The following LINGO2 variants were observed in gnomAD, a reference collection of about 807,000 sequenced individuals.
LINGO2 encodes the protein leucine rich repeat and Ig domain containing 2.
A neutral mutation model predicts 30.6 loss-of-function variants in LINGO2; 14 were observed. The observed-to-expected ratio is 0.46, with a 90% CI of 0.30 to 0.72. The LOEUF (loss-of-function observed/expected upper bound fraction) is 0.72. LINGO2 is among the 30% of genes least tolerant of loss of function. The pLI is 0.07. For missense variants in LINGO2, 729 were observed against 751.7 expected, an observed-to-expected ratio of 0.97 and a Z score of 0.35; for synonymous variants, 317 against 288.5, an observed-to-expected ratio of 1.10 and a Z score of -1.00.
At chr9:29,019,684 A>G in the LINGO2 span, among the ~76,000 whole-genome samples, 1 of 152,160 alleles carries the variant, frequency 6.6e-6, no homozygotes, top group Non-Finnish European at 1.5e-5. Context: ...CTTTGACCAT[A>G]ATAGGTGTTT....
At chr9:28,483,292 G>A (rs1386376700) in intron 1 of LINGO2, among the ~76,000 whole-genome samples, 4 of 151,992 alleles carry the variant, frequency 2.6e-5, no homozygotes, top group Non-Finnish European at 4.4e-5. Flanking sequence ...TTTATTTTGT[G>A]TACTGCAGGC....
At chr9:28,838,821 A>T in the LINGO2 span, among the ~76,000 whole-genome samples, 1 of 152,176 alleles carries the variant, frequency 6.6e-6, no homozygotes, top group East Asian at 1.9e-4. Context: ...ACCAGCCCAG[A>T]TCCCATGCCT....
chr9:28,677,085 T>C, the LINGO2 span, among the ~76,000 whole-genome samples: 1 of 152,112 alleles, frequency 6.6e-6, no homozygotes, highest in Non-Finnish European at 1.5e-5. Flanking sequence ...TTTATTTGCA[T>C]GCCTAATTCT....
At chr9:28,079,175 C>T (rs1825706666) in intron 4 of LINGO2, among the ~76,000 whole-genome samples, 1 of 135,120 alleles carries the variant, frequency 7.4e-6, no homozygotes, top group African/African-American at 3.9e-5. Flanking sequence ...TAACACAATC[C>T]CAACTGCCTA....
At chr9:28,558,351 G>A (rs1443681718) in intron 1 of LINGO2, among the ~76,000 whole-genome samples, 1 of 151,942 alleles carries the variant, frequency 6.6e-6, no homozygotes, top group Non-Finnish European at 1.5e-5. Context: ...GGGTTCTGCT[G>A]TAGATCTCAA....
In LINGO2 at chr9:28,353,381, A is replaced by C. The variant is rs1819999579; in HGVS notation, c.-246+19455T>G. Reference sequence around the variant, plus strand: ...ACTTCTCAAAAGAAGACATTTATGCAGCCAAAAAACACATGAAAAAATGCT... The same window carrying C: ...ACTTCTCAAAAGAAGACATTTATGCCGCCAAAAAACACATGAAAAAATGCT... On this transcript the variant is annotated intron_variant, in intron 3 of 5. Transcript: ENST00000379992. Among the ~76,000 whole-genome samples the C allele has an allele frequency of 2.6e-5, 4 of 150,946 alleles. No individual in the cohort carries two copies. The South Asian group carries it at 8.5e-4, about 32-fold the overall frequency.
chr9:29,108,503 A>T, the LINGO2 span, among the ~76,000 whole-genome samples: 10 of 152,170 alleles, frequency 6.6e-5, no homozygotes, highest in African/African-American at 1.4e-4. Flanking sequence ...ATGTAGGCTA[A>T]CAGCAAGGAG....
chr9:29,091,863 T>C, the LINGO2 span, among the ~76,000 whole-genome samples: 1 of 152,042 alleles, frequency 6.6e-6, no homozygotes, highest in Non-Finnish European at 1.5e-5. Context: ...TAAATACACA[T>C]AATATTTTTG....
intron 3 of LINGO2, among the ~76,000 whole-genome samples, chr9:28,295,970 T>G (rs1288768593): frequency 6.6e-6 from 1 of 152,152 alleles, no homozygotes; most frequent in Non-Finnish European, 1.5e-5. Context: ...ACATACAGAC[T>G]GTATGACAGT....
At chr9:28,201,858 ACT>A (rs1233015830) in intron 4 of LINGO2, among the ~76,000 whole-genome samples, 1 of 151,496 alleles carries the variant, frequency 6.6e-6, no homozygotes, top group African/African-American at 2.4e-5. Flanking sequence ...TCATAAGAGA[ACT>A]CAGAATAAAT....
the LINGO2 span, among the ~76,000 whole-genome samples, chr9:29,084,321 G>A: frequency 5.3e-5 from 8 of 152,122 alleles, no homozygotes; most frequent in East Asian, 1.9e-4. Flanking sequence ...ATATTTTGGC[G>A]TTGTGTTCCT....
chr9:28,055,823 A>T (rs1187563493), intron 4 of LINGO2, among the ~76,000 whole-genome samples: 1 of 152,184 alleles, frequency 6.6e-6, no homozygotes, highest in East Asian at 1.9e-4. Flanking sequence ...TATCTAAAAA[A>T]GTCTTCTTGC....
At chr9:29,081,683 C>T in the LINGO2 span, among the ~76,000 whole-genome samples, 1 of 152,098 alleles carries the variant, frequency 6.6e-6, no homozygotes, top group African/African-American at 2.4e-5. Context: ...TTAGAAAACC[C>T]CATCGTCTCA....
chr9:29,033,396 A>C, the LINGO2 span, among the ~76,000 whole-genome samples: 23,859 of 149,286 alleles, frequency 0.16, 2,265 homozygotes, highest in South Asian at 0.2. Context: ...ATATATATAT[A>C]TATCTCTTCT....
upstream of LINGO2, among the ~76,000 whole-genome samples, chr9:28,674,823 T>C (rs530002892): frequency 2.6e-5 from 4 of 152,240 alleles, no homozygotes; most frequent in Admixed American, 1.3e-4. Context: ...GATGATTGCA[T>C]AAGGCTAATA....
At chr9:29,075,144 G>T in the LINGO2 span, among the ~76,000 whole-genome samples, 1 of 151,982 alleles carries the variant, frequency 6.6e-6, no homozygotes, top group Non-Finnish European at 1.5e-5. Flanking sequence ...ACTTAGTTCT[G>T]AAAACACAAT....
At chr9:28,134,119 A>G (rs1418301705) in intron 4 of LINGO2, among the ~76,000 whole-genome samples, 4 of 152,132 alleles carry the variant, frequency 2.6e-5, no homozygotes, top group African/African-American at 7.2e-5. Context: ...ACATTGACTT[A>G]TCTCTTCTGC....
At chr9:29,038,688 A>AG in the LINGO2 span, among the ~76,000 whole-genome samples, 2 of 151,688 alleles carry the variant, frequency 1.3e-5, no homozygotes, top group Admixed American at 6.6e-5. Context: ...AAAAAAAAAA[A>AG]AAACATGAAA....
chr9:29,098,810 G>A, the LINGO2 span, among the ~76,000 whole-genome samples: 18 of 152,104 alleles, frequency 1.2e-4, no homozygotes, highest in Non-Finnish European at 2.4e-4. Context: ...TATGGTTTCC[G>A]TGTTAAAGTA....
Sources: gnomAD v4.1 joint callset for allele counts (sites outside exome capture counted in the v4.1 genomes callset) on GRCh38, gnomAD v4.1.1 for gene constraint, MANE v1.5 for transcripts, NCBI Gene and HGNC (gene_info 2026-07-23, HGNC 2026-07-21) for gene names.